The following ME1 variants were observed in gnomAD, a reference collection of about 807,000 sequenced individuals.
The protein encoded by ME1 is NADP-dependent malic enzyme.
In ME1, 74 loss-of-function variants were observed where a neutral mutation model predicts 66.4. The observed-to-expected ratio is 1.11, with a 90% CI of 0.92 to 1.35. ME1 has a LOEUF of 1.35. ME1 is among the 40% of genes most tolerant of loss of function. The probability of loss-of-function intolerance (pLI) is 0.00; values close to 1 mark genes in which losing one functional copy is unlikely to be tolerated. For synonymous variants in ME1, 251 were observed against 235.6 expected, an observed-to-expected ratio of 1.07 and a Z score of -0.60; for missense variants, 750 against 694.1, an observed-to-expected ratio of 1.08 and a Z score of -0.90.
intron 5 of ME1, among the ~76,000 whole-genome samples, chr6:83,327,513 T>G (rs76728371): frequency 0.051 from 7,743 of 152,178 alleles, 641 homozygotes; most frequent in African/African-American, 0.18. Flanking sequence ...TGAAATAGAC[T>G]CCAGTCTCCC....
intron 3 of ME1, among the ~76,000 whole-genome samples, chr6:83,372,771 G>C (rs990543401): frequency 6.6e-6 from 1 of 152,174 alleles, no homozygotes; most frequent in Non-Finnish European, 1.5e-5. Context: ...AGACCAGTGG[G>C]AGATGGCTTC....
intron 3 of ME1, among the ~76,000 whole-genome samples, chr6:83,357,929 C>CTG (rs1768925023): frequency 3.6e-5 from 2 of 56,328 alleles, no homozygotes; most frequent in Non-Finnish European, 7.1e-5. Context: ...CTCTCTCTCT[C>CTG]TCTCTCTATA....
rs144255033 is a variant in ME1 at position 83,371,429 on chromosome 6, C to CA, written c.363-19291dup. Reference sequence around the variant, plus strand: ...CTATTCTAATGTTTTGGAAAACTGACAGAGACTCACATGCATATGCTGAAA... The same window carrying CA: ...CTATTCTAATGTTTTGGAAAACTGACAAGAGACTCACATGCATATGCTGAAA... On this transcript the variant is annotated intron_variant, in intron 3 of 13. Coordinates refer to ENST00000369705, the MANE Select transcript of ME1 (RefSeq NM_002395.6). Among the ~76,000 whole-genome samples the CA allele has an allele frequency of 2.6e-3, 397 of 152,260 alleles. 1 individual carries two copies. Among genetic ancestry groups the CA allele is most frequent in the African/African-American group, 8.7e-3 (361 of 41,558 alleles).
At chr6:83,219,101 A>T (rs926225474) in intron 12 of ME1, among the ~76,000 whole-genome samples, 3 of 152,214 alleles carry the variant, frequency 2.0e-5, no homozygotes, top group African/African-American at 7.2e-5. Context: ...CAAGAGGGAG[A>T]GCTGGTGGAG....
At chr6:83,320,035 G>A (rs975667969) in intron 5 of ME1, among the ~76,000 whole-genome samples, 15 of 152,176 alleles carry the variant, frequency 9.9e-5, no homozygotes, top group African/African-American at 3.6e-4. Flanking sequence ...TTAGTGGGAT[G>A]AAACTTTTGA....
At position 83,425,232 on chromosome 6, in the gene ME1, G is replaced by C. The variant is rs547806813; in HGVS notation, c.78+5645C>G. On this transcript the variant is annotated intron_variant, in intron 1 of 13. Transcript: ENST00000369705. ...TCTGGTCTTGAACTCCTGGGCTCAA[G>C]TGATCCTCCTACCTCGGCCTCCCAG... Among the ~76,000 whole-genome samples the C allele has an allele frequency of 1.9e-3, 282 of 152,116 alleles. 2 individuals are homozygous for C. Among genetic ancestry groups the C allele is most frequent in the African/African-American group, 6.6e-3 (273 of 41,482 alleles).
intron 3 of ME1, among the ~76,000 whole-genome samples, chr6:83,371,960 T>C (rs1769199911): frequency 1.3e-5 from 2 of 152,154 alleles, no homozygotes; most frequent in Admixed American, 6.5e-5. Flanking sequence ...TCCTGTATGA[T>C]TCCATGGCAC....
chr6:83,384,783 C>T lies in ME1; in HGVS notation c.362+13584G>A, dbSNP rs189192528. ...ATAGTTTTAGGTTTTACATTTAAGC[C>T]TTTAATCTATCTTGAGTTAATTGTG... On this transcript the variant is annotated intron_variant, in intron 3 of 13. Transcript: ENST00000369705. Among the ~76,000 whole-genome samples the T allele has an allele frequency of 8.8e-4, 133 of 151,884 alleles. 1 individual carries two copies. The highest frequency in any genetic ancestry group is 3.1e-3 in the African/African-American group (129 of 41,324).
intron 6 of ME1, among the ~76,000 whole-genome samples, chr6:83,304,660 T>C (rs892025175): frequency 6.6e-6 from 1 of 152,180 alleles, no homozygotes; most frequent in Non-Finnish European, 1.5e-5. Flanking sequence ...AATCACTACA[T>C]ATTGGTAAAA....
At chr6:83,212,880 T>C (rs1442792996) in intron 13 of ME1, among the ~76,000 whole-genome samples, 1 of 152,082 alleles carries the variant, frequency 6.6e-6, no homozygotes, top group Non-Finnish European at 1.5e-5. Flanking sequence ...TGGGAGAAAA[T>C]TTCAACTACT....
chr6:83,237,278 AGGAAGGAAGGAAG>A (rs750530124), intron 9 of ME1, among the ~76,000 whole-genome samples: 4,331 of 66,956 alleles, frequency 0.065, 480 homozygotes, highest in African/African-American at 0.093. Flanking sequence ...AAAGAAAGAA[AGGAAGGAAGGAAG>A]GAAAGAAAGA....
intron 6 of ME1, among the ~76,000 whole-genome samples, chr6:83,299,752 C>T (rs1767678268): frequency 6.6e-6 from 1 of 152,038 alleles, no homozygotes; most frequent in African/African-American, 2.4e-5. Flanking sequence ...ATAAATGGCT[C>T]TTATTATTTT....
chr6:83,425,109 C>T (rs1770344637), intron 1 of ME1, among the ~76,000 whole-genome samples: 1 of 152,146 alleles, frequency 6.6e-6, no homozygotes, highest in South Asian at 2.1e-4. Flanking sequence ...CCACCTCAGC[C>T]ACTCAAGTAG....
At chr6:83,404,413 T>C (rs189459546) in intron 2 of ME1, among the ~76,000 whole-genome samples, 128 of 152,304 alleles carry the variant, frequency 8.4e-4, no homozygotes, top group African/African-American at 3.0e-3. Context: ...TTTTGTCAGA[T>C]TGACAGATTG....
Position 83,346,310 on chromosome 6 carries a change from G to A in ME1, c.463C>T (p.Arg155Cys), listed in dbSNP as rs150790952. The change falls in exon 5 of 14, where the codon CGT (arginine) becomes TGT (cysteine). Residue 155 changes from arginine (R) to cysteine (C), a missense_variant. By Grantham distance (180) the Arg-to-Cys change is radical (BLOSUM62 -3). Transcript: ENST00000369705. The stretch of plus-strand genomic sequence containing the variant: ...CCAAGGTCTCCCAAGCCAAGAATAC[G>A]CTCTCCATCAGTCACCACAATGGCC... ...IKAIVVTDGERILGLGDLGCN... is the reference protein window; with the variant it reads ...IKAIVVTDGECILGLGDLGCN... 1.1e-5 allele frequency: 18 copies of A among 1,610,084 alleles called. No homozygotes were observed. Among genetic ancestry groups the A allele is most frequent in the East Asian group, 4.5e-5 (2 of 44,784 alleles).
intron 3 of ME1, among the ~76,000 whole-genome samples, chr6:83,397,520 C>T (rs1769759064): frequency 6.6e-6 from 1 of 152,058 alleles, no homozygotes; most frequent in African/African-American, 2.4e-5. Context: ...ATTCACTGTT[C>T]AGTGGGAATG....
intron 5 of ME1, among the ~76,000 whole-genome samples, chr6:83,316,973 C>A (rs1401716953): frequency 6.6e-6 from 1 of 151,262 alleles, no homozygotes; most frequent in Non-Finnish European, 1.5e-5. Flanking sequence ...AAAAAAAGAC[C>A]AAAGTGACAC....
intron 3 of ME1, chr6:83,393,212 C>A: frequency 1.7e-6 from 2 of 1,155,144 alleles, no homozygotes; most frequent in South Asian, 1.2e-5. Flanking sequence ...AGGACCCCCT[C>A]AAAGGCATCC....
intron 5 of ME1, among the ~76,000 whole-genome samples, chr6:83,317,152 T>C (rs893377270): frequency 2.0e-4 from 30 of 152,276 alleles, no homozygotes; most frequent in African/African-American, 6.7e-4. Flanking sequence ...TGAAGGAATA[T>C]AGAGGACACA....
Sources: allele counts gnomAD v4.1 joint callset (sites outside exome capture counted in the v4.1 genomes callset), GRCh38; gene constraint gnomAD v4.1.1; transcripts MANE v1.5; gene names NCBI Gene and HGNC (gene_info 2026-07-23, HGNC 2026-07-21).